Variants in INTS13 observed in about 807,000 individuals in gnomAD.
INTS13 encodes the protein integrator complex subunit 13.
In INTS13, 35 loss-of-function variants were observed where a neutral mutation model predicts 90.2. The ratio of observed to expected loss-of-function variants is 0.39; its 90% CI spans 0.30 to 0.51. The LOEUF (loss-of-function observed/expected upper bound fraction) is 0.51. INTS13 is among the 20% of genes least tolerant of loss of function. The probability of loss-of-function intolerance (pLI) is 0.80; values close to 1 mark genes in which losing one functional copy is unlikely to be tolerated. For synonymous variants in INTS13, 309 were observed against 277.1 expected, an observed-to-expected ratio of 1.11 and a Z score of -1.14; for missense variants, 601 against 851.2, an observed-to-expected ratio of 0.71 and a Z score of 3.66.
Position 26,928,185 on chromosome 12 carries a change from C to G in INTS13, c.584+20G>C. The G allele has an allele frequency of 6.5e-7, 1 of 1,549,238 alleles. No homozygotes were observed. Among genetic ancestry groups the G allele is most frequent in the Non-Finnish European group, 8.9e-7 (1 of 1,125,632 alleles). ...TCTATCCACATGAACATATTTATTT[C>G]ATTTATGAATTATACTCACTGATCT... On this transcript the variant is annotated intron_variant, in intron 5 of 16. Coordinates refer to ENST00000261191, the MANE Select transcript of INTS13 (RefSeq NM_018164.3).
rs74644940 is a variant in INTS13 at position 26,914,378 on chromosome 12, T to C, written c.1419+30A>G. 6,512 of 1,572,998 alleles carry C rather than the reference T, an allele frequency of 4.1e-3. 236 individuals carry two copies. In the African/African-American group the frequency reaches 0.079, roughly 19 times the overall value. Reference sequence around the variant, plus strand: ...CTATAAAGAATATATAACTAATCTATAAGAAAAGTTGAAGCTACTTAACAC... The same window carrying C: ...CTATAAAGAATATATAACTAATCTACAAGAAAAGTTGAAGCTACTTAACAC... On this transcript the variant is annotated intron_variant, in intron 12 of 16. Coordinates refer to ENST00000261191, the MANE Select transcript of INTS13 (RefSeq NM_018164.3).
intron 7 of INTS13, among the ~76,000 whole-genome samples, chr12:26,924,096 T>C (rs1002766732): frequency 1.3e-5 from 2 of 152,092 alleles, no homozygotes; most frequent in South Asian, 2.1e-4. Flanking sequence ...GAAAATACGA[T>C]ATGGGGAGAA....
intron 7 of INTS13, among the ~76,000 whole-genome samples, chr12:26,922,948 A>G (rs1937667101): frequency 6.6e-6 from 1 of 152,268 alleles, no homozygotes; most frequent in East Asian, 1.9e-4. Flanking sequence ...CAGAATTAAC[A>G]AAGATGACTA....
Position 26,934,568 on chromosome 12 carries a change from T to C in INTS13, c.288A>G (p.Gln96=), listed in dbSNP as rs1938363995. Residue 96 remains glutamine (Q), a synonymous_variant, in exon 3 of 17, where the codon CAA becomes CAG. Transcript: ENST00000261191. ...HVLNSWTQED[Q]NLQELMAALA... ...AATCTAACCATACCTCCTGTAAATT[T>C]TGGTCTTCTTGAGTCCAAGAATTTA... is the stretch of plus-strand genomic sequence containing the variant. The C allele has an allele frequency of 6.2e-7, 1 of 1,611,386 alleles. No homozygotes were observed. Among genetic ancestry groups the C allele is most frequent in the South Asian group, 1.1e-5 (1 of 90,972 alleles).
At chr12:26,919,021 C>T in intron 8 of INTS13, 1 of 385,732 alleles carries the variant, frequency 2.6e-6, no homozygotes, top group Non-Finnish European at 5.3e-6. Context: ...CAAAAATTAG[C>T]CAGGCTTCGT....
rs1017978389 is a variant in INTS13 at position 26,936,704 on chromosome 12, C to T, written c.100G>A (p.Val34Met). ...CRQHVEFDML[V>M]KNRTQGIIPL... is the part of the protein sequence containing the mutation. ...ATGATTCCTTGGGTTCTATTCTTCA[C>T]CAGCATATCAAACTCGACATGCTGC... Residue 34 changes from valine to methionine, a missense_variant, in exon 2 of 17, where the codon GTG (valine) becomes ATG (methionine). This residue lies in a region of INTS13 where 284 missense variants were observed against 387.7 expected (regional missense o/e 0.73). Coordinates refer to ENST00000261191, the MANE Select transcript of INTS13 (RefSeq NM_018164.3). The T allele has an allele frequency of 5.6e-6, 9 of 1,613,860 alleles. No homozygotes were observed. In the East Asian group the frequency reaches 1.6e-4, roughly 28 times the overall value.
intron 15 of INTS13, 119 bp downstream of exon 15, chr12:26,911,059 T>C: frequency 8.8e-7 from 1 of 1,136,718 alleles, no homozygotes; most frequent in Middle Eastern, 2.1e-4. Flanking sequence ...GGTCTTGAAT[T>C]CCTGACCTCA....
intron 15 of INTS13, among the ~76,000 whole-genome samples, chr12:26,909,495 G>C (rs1288772475): frequency 9.5e-6 from 1 of 105,400 alleles, no homozygotes. Flanking sequence ...TTTTTTTTTA[G>C]AGATGGAGTC....
intron 6 of INTS13, among the ~76,000 whole-genome samples, chr12:26,924,950 G>A (rs2137514899): frequency 6.6e-6 from 1 of 152,212 alleles, no homozygotes; most frequent in East Asian, 1.9e-4. Flanking sequence ...AATAAATAAG[G>A]CAGCTAGAAG....
intron 3 of INTS13, among the ~76,000 whole-genome samples, chr12:26,930,547 A>G (rs1245316821): frequency 6.6e-6 from 1 of 152,238 alleles, no homozygotes; most frequent in African/African-American, 2.4e-5. Context: ...CAAAATGTAC[A>G]TTCTTTTATA....
chr12:26,920,403 C>CTT (rs35574943), intron 8 of INTS13, among the ~76,000 whole-genome samples: 1 of 142,662 alleles, frequency 7.0e-6, no homozygotes, highest in Admixed American at 7.0e-5. Flanking sequence ...ATTTTTGACA[C>CTT]TTTTTTTTTT....
chr12:26,911,960 T>C (rs1027594543), intron 14 of INTS13, among the ~76,000 whole-genome samples: 7 of 152,216 alleles, frequency 4.6e-5, no homozygotes, highest in African/African-American at 7.2e-5. Context: ...CTATTATTAA[T>C]GGATACAATT....
At chr12:26,920,931 T>C (rs1341357455) in intron 8 of INTS13, among the ~76,000 whole-genome samples, 1 of 152,196 alleles carries the variant, frequency 6.6e-6, no homozygotes, top group Non-Finnish European at 1.5e-5. Context: ...AGAAGATGCA[T>C]ACAACATAAT....
intron 3 of INTS13, among the ~76,000 whole-genome samples, chr12:26,933,120 GAAATTA>G (rs1403369651): frequency 4.6e-5 from 7 of 152,096 alleles, no homozygotes; most frequent in Admixed American, 4.6e-4. Context: ...AAAGTTCTTG[GAAATTA>G]AAAGTACAAT....
intron 7 of INTS13, among the ~76,000 whole-genome samples, chr12:26,923,507 A>G (rs1937698605): frequency 6.6e-6 from 1 of 152,178 alleles, no homozygotes; most frequent in South Asian, 2.1e-4. Flanking sequence ...TTGAATTTTG[A>G]GATATAGTGG....
Position 26,933,605 on chromosome 12 carries a change from A to G in INTS13, c.300+951T>C, listed in dbSNP as rs143741073. On this transcript the variant is annotated intron_variant, in intron 3 of 16. Coordinates refer to ENST00000261191, the MANE Select transcript of INTS13 (RefSeq NM_018164.3). Reference sequence around the variant, plus strand: ...CCGGAGGTTATGTTCTACCAAAACAAAAGATTACACAAAGAAAAAGAGAGG... The same window carrying G: ...CCGGAGGTTATGTTCTACCAAAACAGAAGATTACACAAAGAAAAAGAGAGG... 9.0e-4 allele frequency among the ~76,000 whole-genome samples: 137 copies of G among 152,328 alleles called. 2 individuals carry two copies. The East Asian group carries it at 0.025, about 28-fold the overall frequency.
chr12:26,931,583 A>C (rs1043164642), intron 3 of INTS13, among the ~76,000 whole-genome samples: 1 of 152,226 alleles, frequency 6.6e-6, no homozygotes, highest in Admixed American at 6.5e-5. Flanking sequence ...ATTTCACTAA[A>C]GCCTTGTTTC....
In INTS13 at chr12:26,905,448, G is replaced by T; in HGVS notation, c.*49C>A. The T allele has an allele frequency of 6.4e-7, 1 of 1,561,414 alleles. No individual in the cohort carries two copies. Reference sequence around the variant, plus strand: ...TGTAAAAGTACTTATATCGAATTCCGCACAAAATATTTTTGCAATATGCTA... The same window carrying T: ...TGTAAAAGTACTTATATCGAATTCCTCACAAAATATTTTTGCAATATGCTA... On this transcript the variant is annotated 3_prime_UTR_variant, in exon 17 of 17. Coordinates refer to ENST00000261191, the MANE Select transcript of INTS13 (RefSeq NM_018164.3).
intron 4 of INTS13, 81 bp from the exon 5 acceptor site, chr12:26,928,366 T>C: frequency 8.9e-7 from 1 of 1,117,578 alleles, no homozygotes; most frequent in Admixed American, 1.8e-5. Flanking sequence ...CGCTTTAATA[T>C]GGTGTTATAG....
Sources: allele counts gnomAD v4.1 joint callset (sites outside exome capture counted in the v4.1 genomes callset), GRCh38; gene constraint gnomAD v4.1.1; regional missense constraint gnomAD v4.1.1; transcripts MANE v1.5; gene names NCBI Gene and HGNC (gene_info 2026-07-23, HGNC 2026-07-21).